VPS8: variants seen among roughly 807,000 people sequenced by gnomAD.
VPS8 encodes the protein vacuolar protein sorting-associated protein 8 homolog.
In VPS8, 129 loss-of-function variants were observed where a neutral mutation model predicts 216.4. The ratio of observed to expected loss-of-function variants is 0.60; its 90% CI spans 0.52 to 0.69. The LOEUF (loss-of-function observed/expected upper bound fraction) is 0.69, where lower values mean the gene tolerates loss of function less well. Among genes scored for constraint, VPS8 ranks in the 30% least tolerant of loss-of-function variants. VPS8 has a pLI of 0.00. For missense variants in VPS8, 1,531 were observed against 1,683.5 expected (o/e 0.91, Z 1.59); for synonymous variants, 571 against 565.4 (o/e 1.01, Z -0.14).
intron 41 of VPS8, 128 bp from the exon 42 acceptor site, chr3:184,982,883 AT>A (rs1476739384): frequency 6.0e-6 from 5 of 833,418 alleles, no homozygotes; most frequent in Non-Finnish European, 8.9e-6. Flanking sequence ...ATTTTAAAAT[AT>A]CAAAGAGGCC....
At chr3:184,890,444 T>C (rs1388320379) in intron 22 of VPS8, among the ~76,000 whole-genome samples, 1 of 152,094 alleles carries the variant, frequency 6.6e-6, no homozygotes, top group East Asian at 1.9e-4. Flanking sequence ...TCCTTTTATT[T>C]TCACATATTA....
intron 45 of VPS8, among the ~76,000 whole-genome samples, chr3:185,008,496 A>C (rs1226704370): frequency 2.6e-5 from 4 of 152,200 alleles, no homozygotes; most frequent in African/African-American, 9.6e-5. Context: ...TATAGCTTCA[A>C]ATTGTGACAG....
intron 22 of VPS8, chr3:184,893,412 G>A (rs757602869): frequency 2.4e-5 from 24 of 998,348 alleles, no homozygotes; most frequent in Middle Eastern, 3.2e-4. Flanking sequence ...AATCTCAACA[G>A]GTAAATAAAA....
intron 46 of VPS8, among the ~76,000 whole-genome samples, chr3:185,048,025 T>C (rs1457442736): frequency 1.3e-5 from 2 of 152,104 alleles, no homozygotes; most frequent in Non-Finnish European, 1.5e-5. Context: ...TGCAACCCCA[T>C]AGGTGGCGAC....
chr3:184,902,121 C>CTTTTTTTTTTTTTTTTTT (rs1560596472), intron 25 of VPS8, among the ~76,000 whole-genome samples: 1 of 148,566 alleles, frequency 6.7e-6, no homozygotes. Context: ...GCCCCCCCCC[C>CTTTTTTTTTTTTTTTTTT]CTTTTTTTTT....
intron 25 of VPS8, among the ~76,000 whole-genome samples, chr3:184,904,286 G>T (rs571840122): frequency 3.3e-5 from 5 of 152,138 alleles, no homozygotes; most frequent in Non-Finnish European, 7.4e-5. Flanking sequence ...AAGAATGGAC[G>T]TCTTTTTGTT....
At chr3:184,978,292 T>G (rs1394723784) in intron 40 of VPS8, among the ~76,000 whole-genome samples, 3 of 152,136 alleles carry the variant, frequency 2.0e-5, no homozygotes, top group Admixed American at 6.6e-5. Flanking sequence ...TGTCCCCTTG[T>G]CATTTCTGAC....
At chr3:184,957,558 C>T in intron 37 of VPS8, 37 bp downstream of exon 37, 3 of 1,563,840 alleles carry the variant, frequency 1.9e-6, no homozygotes, top group Non-Finnish European at 2.6e-6. Context: ...AGAGTAAACT[C>T]TTCTTAACAT....
chr3:185,037,979 G>C (rs558102490), intron 46 of VPS8, among the ~76,000 whole-genome samples: 1 of 152,166 alleles, frequency 6.6e-6, no homozygotes, highest in African/African-American at 2.4e-5. Flanking sequence ...CAGGAAGTTT[G>C]TTTCCTGCTT....
chr3:184,824,911 T>TC (rs758543085), intron 2 of VPS8, 126 bp downstream of exon 2: 3 of 925,142 alleles, frequency 3.2e-6, no homozygotes, highest in East Asian at 2.7e-5. Context: ...TATAATTTTT[T>TC]TTTTTTTTTT....
chr3:184,908,864 C>T (rs546731404), intron 25 of VPS8, among the ~76,000 whole-genome samples: 1 of 152,302 alleles, frequency 6.6e-6, no homozygotes, highest in Admixed American at 6.5e-5. Context: ...CTACTGTGGG[C>T]TCAGAATAGG....
At chr3:184,825,825 C>T (rs978406784) in intron 2 of VPS8, among the ~76,000 whole-genome samples, 8 of 151,494 alleles carry the variant, frequency 5.3e-5, no homozygotes, top group African/African-American at 1.2e-4. Flanking sequence ...TGCTTGAACC[C>T]GGGAGGTGGA....
chr3:184,940,665 T>G (rs1298097354), intron 36 of VPS8, among the ~76,000 whole-genome samples: 3 of 152,182 alleles, frequency 2.0e-5, no homozygotes, highest in Non-Finnish European at 4.4e-5. Flanking sequence ...CCTTTTAAAC[T>G]CTGACTTAAT....
At chr3:184,983,282 G>A (rs1290666775) in intron 42 of VPS8, among the ~76,000 whole-genome samples, 188 bp downstream of exon 42, 5 of 152,040 alleles carry the variant, frequency 3.3e-5, no homozygotes, top group Admixed American at 2.0e-4. Context: ...CAGTTTTTTG[G>A]TGTGACTTTG....
At chr3:185,019,712 A>C (rs6444017) in intron 45 of VPS8, among the ~76,000 whole-genome samples, 137,915 of 152,202 alleles carry the variant, frequency 0.91, 63,383 homozygotes, top group Non-Finnish European at 0.98. Context: ...CGTGGGCGTC[A>C]TGGCCATCAC....
At chr3:184,820,528 G>A (rs1352106885) in intron 1 of VPS8, among the ~76,000 whole-genome samples, 1 of 152,114 alleles carries the variant, frequency 6.6e-6, no homozygotes, top group Non-Finnish European at 1.5e-5. Flanking sequence ...ATGGTTTCTG[G>A]GGATTAGGAC....
intron 17 of VPS8, among the ~76,000 whole-genome samples, chr3:184,867,297 T>G (rs1025756936): frequency 2.6e-5 from 4 of 152,214 alleles, no homozygotes; most frequent in African/African-American, 7.2e-5. Flanking sequence ...TAGATCAGCT[T>G]AGGATGCTGA....
intron 23 of VPS8, among the ~76,000 whole-genome samples, chr3:184,898,227 T>C (rs1277297983): frequency 6.6e-6 from 1 of 152,156 alleles, no homozygotes; most frequent in Non-Finnish European, 1.5e-5. Flanking sequence ...AACACTTTAT[T>C]CCCAGTGCCT....
intron 16 of VPS8, among the ~76,000 whole-genome samples, chr3:184,864,363 GT>G (rs1463393744): frequency 1.3e-5 from 2 of 152,180 alleles, no homozygotes; most frequent in Non-Finnish European, 2.9e-5. Context: ...ACAGAGCCAA[GT>G]TGCAGGAAGA....
Sources: allele counts gnomAD v4.1 joint callset (sites outside exome capture counted in the v4.1 genomes callset), GRCh38; gene constraint gnomAD v4.1.1; transcripts MANE v1.5; gene names NCBI Gene and HGNC (gene_info 2026-07-23, HGNC 2026-07-21).